The following PCDHA4 variants were observed in gnomAD, a reference collection of about 807,000 sequenced individuals.
The protein encoded by PCDHA4 is protocadherin alpha 4, also known as protocadherin alpha-4.
In PCDHA4, 49 loss-of-function variants were observed where a neutral mutation model predicts 61.4. The ratio of observed to expected loss-of-function variants is 0.80; its 90% CI spans 0.63 to 1.01. The LOEUF (loss-of-function observed/expected upper bound fraction) is 1.01, where lower values mean the gene tolerates loss of function less well. Among genes scored for constraint, PCDHA4 ranks in the 50% least tolerant of loss-of-function variants. The pLI is 0.00. For synonymous variants in PCDHA4, 590 were observed against 550.3 expected (o/e 1.07, Z -1.01); for missense variants, 1,254 against 1,235.8 (o/e 1.01, Z -0.22).
At chr5:140,994,188 G>T (rs1156320589) in intron 3 of PCDHA4, among the ~76,000 whole-genome samples, 1 of 152,080 alleles carries the variant, frequency 6.6e-6, no homozygotes, top group Non-Finnish European at 1.5e-5. Flanking sequence ...AAACCACCAG[G>T]GCCTGTTGGT....
chr5:140,970,157 C>T (rs2096386547), intron 1 of PCDHA4, among the ~76,000 whole-genome samples: 2 of 152,176 alleles, frequency 1.3e-5, no homozygotes, highest in African/African-American at 4.8e-5. Context: ...TCCCAATAGT[C>T]ACCTTTCTTG....
chr5:140,865,785 T>C (rs2049000599), intron 1 of PCDHA4: 1 of 152,188 alleles, frequency 6.6e-6, no homozygotes, highest in South Asian at 2.1e-4. Flanking sequence ...ATGTGTATCT[T>C]TCAGGCTTCA....
At chr5:140,828,306 A>G (rs1554131180) in intron 1 of PCDHA4, 3 of 1,613,930 alleles carry the variant, frequency 1.9e-6, no homozygotes, top group Non-Finnish European at 2.5e-6. Context: ...AAAGACCGCG[A>G]GGACCTTCTG....
chr5:140,917,485 C>T (rs191372458), intron 1 of PCDHA4, among the ~76,000 whole-genome samples: 1 of 152,326 alleles, frequency 6.6e-6, no homozygotes, highest in Admixed American at 6.5e-5. Flanking sequence ...TTGCCAGGGC[C>T]TATGCCCAGA....
intron 1 of PCDHA4, among the ~76,000 whole-genome samples, chr5:140,906,640 G>A (rs1465278194): frequency 6.6e-6 from 1 of 152,210 alleles, no homozygotes; most frequent in African/African-American, 2.4e-5. Context: ...ACCTCAGCAG[G>A]TAGTGGTTTT....
intron 1 of PCDHA4, chr5:140,882,401 G>A (rs899488409): frequency 4.0e-5 from 65 of 1,614,046 alleles, no homozygotes; most frequent in Non-Finnish European, 5.3e-5. Context: ...CGGCACCTTC[G>A]TGGGCCGCAT....
intron 1 of PCDHA4, chr5:140,856,142 T>G (rs1554148241): frequency 6.3e-7 from 1 of 1,598,118 alleles, no homozygotes; most frequent in East Asian, 2.2e-5. Flanking sequence ...CCAGCTCCAC[T>G]ACTCAGTCTA....
At position 141,011,912 on chromosome 5, in the gene PCDHA4, T is replaced by C. The variant is rs573561005; in HGVS notation, c.*1975T>C. ...ATTATATTATCTATTTAGGCATTAA[T>C]ATAAAAGAGGTAGGAGTCTGTTATT... On this transcript the variant is annotated 3_prime_UTR_variant, in exon 4 of 4. Coordinates refer to ENST00000530339, the MANE Select transcript of PCDHA4 (RefSeq NM_018907.4). 4 of 153,808 alleles carry C rather than the reference T, an allele frequency of 2.6e-5. No individual in the cohort carries two copies. In the South Asian group the frequency reaches 8.3e-4, roughly 32 times the overall value. 9.5% of individuals were successfully genotyped at this position (153,808 alleles called of 1,614,324 possible).
rs1207602014 is a variant in PCDHA4 at position 140,886,275 on chromosome 5, T to A, written c.2385+76703T>A. On this transcript the variant is annotated intron_variant, in intron 1 of 3. Transcript: ENST00000530339. ...ATCTCTATTTATAGATAAAATTTTT[T>A]AAAATTATTTTTATATTTATTTATT... 5.9e-5 allele frequency among the ~76,000 whole-genome samples: 9 copies of A among 152,098 alleles called. No homozygotes were observed. In the East Asian group the frequency reaches 1.5e-3, roughly 26 times the overall value.
chr5:140,848,486 A>G lies in PCDHA4; in HGVS notation c.2385+38914A>G. On this transcript the variant is annotated intron_variant, in intron 1 of 3. Transcript: ENST00000530339. Reference sequence around the variant, plus strand: ...ATTTTCACTAATTAGAAGAAGACTGAGTATTTGAAATGTTATACTCAAGTC... The same window carrying G: ...ATTTTCACTAATTAGAAGAAGACTGGGTATTTGAAATGTTATACTCAAGTC... 1.3e-6 allele frequency: 2 copies of G among 1,572,848 alleles called. 1 individual carries two copies.
At position 140,836,402 on chromosome 5, in the gene PCDHA4, C is replaced by T. The variant is rs1695178893; in HGVS notation, c.2385+26830C>T. The T allele has an allele frequency of 1.9e-6, 3 of 1,613,680 alleles. No homozygotes were observed. The South Asian group carries it at 3.3e-5, about 18-fold the overall frequency. On this transcript the variant is annotated intron_variant, in intron 1 of 3. Transcript: ENST00000530339. Reference sequence around the variant, plus strand: ...TGCTGGTGTCGCTGGTGGAAAGCGGCCAGGCACCAAAGGCGTCGTCGCGGG... The same window carrying T: ...TGCTGGTGTCGCTGGTGGAAAGCGGTCAGGCACCAAAGGCGTCGTCGCGGG...
chr5:140,970,059 G>C (rs2096380498), intron 1 of PCDHA4, among the ~76,000 whole-genome samples: 1 of 152,150 alleles, frequency 6.6e-6, no homozygotes. Context: ...GTCCAGGGAG[G>C]TATTAGAATG....
intron 1 of PCDHA4, among the ~76,000 whole-genome samples, chr5:140,957,031 TG>T (rs1436652232): frequency 6.6e-6 from 1 of 152,182 alleles, no homozygotes; most frequent in Non-Finnish European, 1.5e-5. Flanking sequence ...TAGATATTTA[TG>T]GGAGTCATAT....
At chr5:140,833,718 T>G (rs1772594795) in intron 1 of PCDHA4, among the ~76,000 whole-genome samples, 1 of 151,380 alleles carries the variant, frequency 6.6e-6, no homozygotes, top group Non-Finnish European at 1.5e-5. Flanking sequence ...AGTGTCTGGA[T>G]AGTTGCTAAT....
At chr5:140,991,753 T>C (rs1262588559) in intron 3 of PCDHA4, among the ~76,000 whole-genome samples, 3 of 152,208 alleles carry the variant, frequency 2.0e-5, no homozygotes, top group Non-Finnish European at 2.9e-5. Flanking sequence ...CTTTCTATCA[T>C]GCTCTTCAAA....
chr5:140,886,844 A>AG lies in PCDHA4; in HGVS notation c.2385+77272_2385+77273insG, dbSNP rs1203919867. Among the ~76,000 whole-genome samples, 142 of 150,728 alleles carry AG rather than the reference A, an allele frequency of 9.4e-4. 2 individuals are homozygous for AG. Among genetic ancestry groups the AG allele is most frequent in the African/African-American group, 2.8e-3 (117 of 41,122 alleles). ...TTCGTCTTGAAAAAAAAAAAAAAAAAAAAGAAAGGTCTTCCCAACTCCTAT... is the reference window on the plus strand; with the variant it reads ...TTCGTCTTGAAAAAAAAAAAAAAAAAGAAAGAAAGGTCTTCCCAACTCCTAT... On this transcript the variant is annotated intron_variant, in intron 1 of 3. Coordinates refer to ENST00000530339, the MANE Select transcript of PCDHA4 (RefSeq NM_018907.4).
chr5:140,917,797 C>T (rs1174581148), intron 1 of PCDHA4, among the ~76,000 whole-genome samples: 2 of 151,940 alleles, frequency 1.3e-5, no homozygotes, highest in African/African-American at 4.8e-5. Flanking sequence ...GTTACTGTAG[C>T]CTTGCAGTAT....
intron 1 of PCDHA4, chr5:140,966,860 T>C (rs1586162562): frequency 3.2e-6 from 5 of 1,577,484 alleles, no homozygotes; most frequent in East Asian, 2.3e-5. Context: ...CCTGCTGCTG[T>C]TGCTGCTGCT....
chr5:140,871,072 G>T, intron 1 of PCDHA4: 1 of 1,613,238 alleles, frequency 6.2e-7, no homozygotes, highest in South Asian at 1.1e-5. Context: ...CGGTGAGCCG[G>T]CGCTGACGGC....
Sources: gnomAD v4.1 joint callset for allele counts (sites outside exome capture counted in the v4.1 genomes callset) on GRCh38, gnomAD v4.1.1 for gene constraint, MANE v1.5 for transcripts, NCBI Gene and HGNC (gene_info 2026-07-23, HGNC 2026-07-21) for gene names.